RGS7: variants seen among roughly 807,000 people sequenced by gnomAD.
RGS7 encodes the protein regulator of G protein signaling 7, also known as regulator of G-protein signaling 7.
Under a neutral mutation model 81.1 loss-of-function variants are expected in RGS7, and 27 were observed. The observed-to-expected ratio is 0.33, with a 90% CI of 0.25 to 0.46. The LOEUF (loss-of-function observed/expected upper bound fraction) is 0.46. RGS7 is among the 20% of genes least tolerant of loss of function. The pLI is 1.00. For synonymous variants in RGS7, 208 were observed against 207.7 expected (o/e 1.00, Z -0.01); for missense variants, 396 against 607.4 (o/e 0.65, Z 3.66).
At chr1:241,331,050 T>C (rs1451924575) in intron 2 of RGS7, among the ~76,000 whole-genome samples, 1 of 152,228 alleles carries the variant, frequency 6.6e-6, no homozygotes, top group Non-Finnish European at 1.5e-5. Flanking sequence ...CAGTAGAATT[T>C]TCCTTCTATT....
At chr1:241,248,400 GTATA>G (rs962918136) in intron 2 of RGS7, among the ~76,000 whole-genome samples, 1 of 145,848 alleles carries the variant, frequency 6.9e-6, no homozygotes, top group Non-Finnish European at 1.5e-5. Context: ...ACATACATAT[GTATA>G]TATATATACA....
intron 12 of RGS7, 55 bp downstream of exon 12, chr1:240,814,661 C>T (rs1690474996): frequency 9.7e-7 from 1 of 1,033,760 alleles, no homozygotes; most frequent in Non-Finnish European, 1.5e-6. Flanking sequence ...TTTTTAAACA[C>T]ATGTAATTGT....
At chr1:240,938,413 C>T (rs1375810898) in intron 4 of RGS7, among the ~76,000 whole-genome samples, 1 of 152,192 alleles carries the variant, frequency 6.6e-6, no homozygotes, top group Non-Finnish European at 1.5e-5. Flanking sequence ...TCTATATCTC[C>T]AGCCATCAAC....
chr1:241,194,856 G>A (rs1000979510), intron 2 of RGS7, among the ~76,000 whole-genome samples: 5 of 152,176 alleles, frequency 3.3e-5, no homozygotes, highest in African/African-American at 1.2e-4. Flanking sequence ...AAGTCGCACT[G>A]AGAAGGACAA....
chr1:240,847,057 G>C (rs2147910004), intron 9 of RGS7, among the ~76,000 whole-genome samples: 1 of 152,232 alleles, frequency 6.6e-6, no homozygotes, highest in South Asian at 2.1e-4. Context: ...TAAATTTTGG[G>C]ATAATTTGTT....
intron 6 of RGS7, among the ~76,000 whole-genome samples, chr1:240,893,746 C>T (rs1479624525): frequency 6.6e-6 from 1 of 152,122 alleles, no homozygotes; most frequent in African/African-American, 2.4e-5. Context: ...GCAATTTCTT[C>T]CTTGAAATTT....
chr1:241,220,977 GGAAGGAAGGAAGGAAGGAAGAGAGAGAGA>G (rs2074889603), intron 2 of RGS7, among the ~76,000 whole-genome samples: 1 of 74,022 alleles, frequency 1.4e-5, no homozygotes, highest in Non-Finnish European at 2.8e-5. Context: ...AAGGAAGGAA[GGAAGGAAGGAAGGAAGGAAGAGAGAGAGA>G]AAGGAAGGAA....
chr1:240,889,002 C>T (rs1395323916), intron 6 of RGS7, among the ~76,000 whole-genome samples: 1 of 152,152 alleles, frequency 6.6e-6, no homozygotes, highest in Non-Finnish European at 1.5e-5. Context: ...ATTGCCCAGG[C>T]TGTAGTGCAG....
chr1:241,225,828 T>A (rs185844740), intron 2 of RGS7, among the ~76,000 whole-genome samples: 5 of 152,236 alleles, frequency 3.3e-5, no homozygotes, highest in Admixed American at 3.3e-4. Context: ...AAGAACTGTA[T>A]GCCAGCTTTC....
chr1:240,797,543 G>C (rs939860267), intron 18 of RGS7, among the ~76,000 whole-genome samples: 1 of 152,018 alleles, frequency 6.6e-6, no homozygotes, highest in Non-Finnish European at 1.5e-5. Flanking sequence ...GTAGAGACAG[G>C]CTTTCACCAT....
chr1:240,895,847 C>T (rs1306612771), intron 6 of RGS7, among the ~76,000 whole-genome samples: 2 of 152,160 alleles, frequency 1.3e-5, no homozygotes, highest in African/African-American at 4.8e-5. Context: ...GTTCTAGATC[C>T]TTGAGGAATC....
chr1:241,244,889 T>C (rs912138813), intron 2 of RGS7, among the ~76,000 whole-genome samples: 2 of 143,400 alleles, frequency 1.4e-5, no homozygotes, highest in African/African-American at 5.2e-5. Flanking sequence ...TTCTCACTCA[T>C]AGGTGGGAAT....
chr1:241,092,548 AT>A (rs1379632490), intron 3 of RGS7, among the ~76,000 whole-genome samples: 3 of 152,188 alleles, frequency 2.0e-5, no homozygotes, highest in Non-Finnish European at 4.4e-5. Flanking sequence ...CTACAAATAT[AT>A]TTTTAGCTAT....
intron 6 of RGS7, among the ~76,000 whole-genome samples, chr1:240,913,447 T>C (rs1164477142): frequency 6.6e-6 from 1 of 152,198 alleles, no homozygotes; most frequent in African/African-American, 2.4e-5. Flanking sequence ...TGGAATATTT[T>C]CGAAAGGAGT....
At chr1:240,913,030 T>C (rs1350392050) in intron 6 of RGS7, among the ~76,000 whole-genome samples, 3 of 152,180 alleles carry the variant, frequency 2.0e-5, no homozygotes. Flanking sequence ...CGCTTCAGCA[T>C]TCGGAGACAC....
At chr1:241,310,492 TGAGC>T (rs2080466443) in intron 2 of RGS7, among the ~76,000 whole-genome samples, 1 of 150,126 alleles carries the variant, frequency 6.7e-6, no homozygotes, top group African/African-American at 2.4e-5. Context: ...TGTGTGTGAG[TGAGC>T]GTGTGTGGTG....
intron 3 of RGS7, among the ~76,000 whole-genome samples, chr1:241,001,621 C>T (rs1688152719): frequency 6.6e-6 from 1 of 152,108 alleles, no homozygotes. Context: ...AAATGAACTA[C>T]CAAGCCATGA....
chr1:241,108,436 A>C (rs1208346073), intron 2 of RGS7, among the ~76,000 whole-genome samples: 2 of 152,226 alleles, frequency 1.3e-5, no homozygotes, highest in African/African-American at 2.4e-5. Context: ...GCATGACCAA[A>C]TAGGCCAAGT....
At chr1:241,295,354 G>A (rs2079355686) in intron 2 of RGS7, among the ~76,000 whole-genome samples, 1 of 144,508 alleles carries the variant, frequency 6.9e-6, no homozygotes, top group Non-Finnish European at 1.6e-5. Flanking sequence ...TTGGGAGGAT[G>A]AGGCAGGAGA....
Sources: gnomAD v4.1 joint callset for allele counts (sites outside exome capture counted in the v4.1 genomes callset) on GRCh38, gnomAD v4.1.1 for gene constraint, MANE v1.5 for transcripts, NCBI Gene and HGNC (gene_info 2026-07-23, HGNC 2026-07-21) for gene names.